CERS6: variants seen among roughly 807,000 people sequenced by gnomAD.
CERS6 encodes LAG1 homolog, ceramide synthase 6.
A neutral mutation model predicts 56.8 loss-of-function variants in CERS6; 26 were observed. The ratio of observed to expected loss-of-function variants is 0.46; its 90% CI spans 0.34 to 0.63. The LOEUF (loss-of-function observed/expected upper bound fraction) is 0.63. CERS6 is among the 30% of genes least tolerant of loss of function. CERS6 has a pLI of 0.01. For synonymous variants in CERS6, 164 were observed against 173.3 expected (o/e 0.95, Z 0.42); for missense variants, 415 against 467.5 (o/e 0.89, Z 1.04).
intron 3 of CERS6, among the ~76,000 whole-genome samples, chr2:168,580,200 C>T (rs1253987450): frequency 6.6e-6 from 1 of 151,990 alleles, no homozygotes; most frequent in African/African-American, 2.4e-5. Context: ...TTTTTTCCAC[C>T]AGATCTTATT....
intron 3 of CERS6, among the ~76,000 whole-genome samples, chr2:168,616,051 T>C (rs1684309227): frequency 6.6e-6 from 1 of 152,206 alleles, no homozygotes; most frequent in African/African-American, 2.4e-5. Flanking sequence ...CTAGAAGGGA[T>C]TGGAGACCTA....
At chr2:168,500,521 G>A (rs774309638) in intron 1 of CERS6, among the ~76,000 whole-genome samples, 10 of 152,178 alleles carry the variant, frequency 6.6e-5, no homozygotes, top group Non-Finnish European at 1.5e-4. Context: ...GTTTCCTCTG[G>A]TGGCAACACT....
chr2:168,667,848 A>G (rs2105335447), intron 4 of CERS6, among the ~76,000 whole-genome samples: 1 of 152,372 alleles, frequency 6.6e-6, no homozygotes, highest in East Asian at 1.9e-4. Flanking sequence ...AGATATTTAA[A>G]GTAAAATGGA....
chr2:168,656,631 T>C (rs530156857), intron 4 of CERS6, among the ~76,000 whole-genome samples: 1 of 152,268 alleles, frequency 6.6e-6, no homozygotes, highest in South Asian at 2.1e-4. Context: ...CTGCAGATCT[T>C]CGCGGTGAGT....
chr2:168,652,610 G>GT (rs563356957), intron 4 of CERS6, among the ~76,000 whole-genome samples: 167 of 140,284 alleles, frequency 1.2e-3, no homozygotes, highest in Admixed American at 1.7e-3. Context: ...ATGAATTGTT[G>GT]TTTTTTTTTT....
intron 8 of CERS6, among the ~76,000 whole-genome samples, chr2:168,743,597 A>T (rs1173059866): frequency 6.6e-6 from 1 of 152,212 alleles, no homozygotes; most frequent in Non-Finnish European, 1.5e-5. Context: ...ACATGAAAAT[A>T]TTTTATATAA....
At position 168,463,645 on chromosome 2, in the gene CERS6, T is replaced by C. The variant is rs571668380; in HGVS notation, c.170+7027T>C. ...TCTGGAGGCTGAGCACAGTGGCTCA[T>C]GCCTGTAATCCCAGCACTTTGGGAG... On this transcript the variant is annotated intron_variant, in intron 1 of 9. Transcript: ENST00000305747. 3.9e-5 allele frequency among the ~76,000 whole-genome samples: 6 copies of C among 152,324 alleles called. No homozygotes were observed. In the East Asian group the frequency reaches 9.6e-4, roughly 24 times the overall value.
intron 1 of CERS6, among the ~76,000 whole-genome samples, chr2:168,535,077 G>A (rs1224131714): frequency 6.6e-6 from 1 of 152,226 alleles, no homozygotes; most frequent in African/African-American, 2.4e-5. Context: ...TCCAGCAGGG[G>A]AAAAGCATGG....
chr2:168,645,138 T>TAGAGAG (rs1685156870), intron 4 of CERS6, among the ~76,000 whole-genome samples: 1 of 30,030 alleles, frequency 3.3e-5, no homozygotes, highest in Non-Finnish European at 5.8e-5. Context: ...TATATATATA[T>TAGAGAG]ATATAGAGAG....
rs560041043 is a variant in CERS6 at position 168,590,742 on chromosome 2, A to G, written c.407+29420A>G. 2.8e-4 allele frequency among the ~76,000 whole-genome samples: 43 copies of G among 152,332 alleles called. 1 individual carries two copies. The highest frequency in any genetic ancestry group is 1.0e-3 in the African/African-American group (43 of 41,580). The stretch of plus-strand genomic sequence containing the variant: ...GGACATTGGATTAAGCATCCTATTA[A>G]TACATTGATTAACTTGTGTGATCTT... On this transcript the variant is annotated intron_variant, in intron 3 of 9. Transcript: ENST00000305747.
At position 168,641,607 on chromosome 2, in the gene CERS6, G is replaced by A. The variant is rs181085252; in HGVS notation, c.465+10565G>A. Reference sequence around the variant, plus strand: ...CACCATTGAACACCTATAATGTTAAGCCCTTTAAATCTCTATTGTATAGGT... The same window carrying A: ...CACCATTGAACACCTATAATGTTAAACCCTTTAAATCTCTATTGTATAGGT... On this transcript the variant is annotated intron_variant, in intron 4 of 9. Transcript: ENST00000305747. Among the ~76,000 whole-genome samples, 5 of 152,106 alleles carry A rather than the reference G, an allele frequency of 3.3e-5. No homozygotes were observed. The East Asian group carries it at 7.7e-4, about 23-fold the overall frequency.
intron 2 of CERS6, among the ~76,000 whole-genome samples, chr2:168,556,260 G>A (rs1695677448): frequency 6.6e-6 from 1 of 151,992 alleles, no homozygotes. Flanking sequence ...TATTGATAAA[G>A]AAATCCTAAA....
intron 3 of CERS6, among the ~76,000 whole-genome samples, chr2:168,612,696 G>A (rs1684218970): frequency 6.6e-6 from 1 of 152,216 alleles, no homozygotes; most frequent in Non-Finnish European, 1.5e-5. Context: ...AAGCACTGGG[G>A]GATTAGGAGT....
intron 8 of CERS6, among the ~76,000 whole-genome samples, chr2:168,761,080 A>G (rs1356144033): frequency 6.6e-6 from 1 of 152,136 alleles, no homozygotes; most frequent in African/African-American, 2.4e-5. Context: ...ATTAGAGTCC[A>G]GGTGTCATAT....
At chr2:168,492,489 A>C (rs1680551838) in intron 1 of CERS6, among the ~76,000 whole-genome samples, 1 of 151,988 alleles carries the variant, frequency 6.6e-6, no homozygotes, top group Admixed American at 6.5e-5. Flanking sequence ...AATTTGTGTA[A>C]GTTTTTTGTA....
At chr2:168,746,508 G>A (rs1464777001) in intron 8 of CERS6, among the ~76,000 whole-genome samples, 6 of 151,694 alleles carry the variant, frequency 4.0e-5, no homozygotes, top group Admixed American at 2.0e-4. Context: ...TTGGGTGGAG[G>A]GACATGATGA....
intron 4 of CERS6, among the ~76,000 whole-genome samples, chr2:168,678,201 A>G (rs529720175): frequency 6.6e-6 from 1 of 152,330 alleles, no homozygotes; most frequent in East Asian, 1.9e-4. Flanking sequence ...ACGTCTTACT[A>G]TTGTTACGAA....
intron 3 of CERS6, among the ~76,000 whole-genome samples, chr2:168,630,301 TAC>T (rs3066962): frequency 0.065 from 9,071 of 140,050 alleles, 482 homozygotes; most frequent in East Asian, 0.16. Flanking sequence ...GTAATAAGTA[TAC>T]ACACACACAC....
At chr2:168,696,480 T>G (rs747514760) in intron 6 of CERS6, among the ~76,000 whole-genome samples, 12 of 152,236 alleles carry the variant, frequency 7.9e-5, no homozygotes, top group Non-Finnish European at 1.5e-4. Context: ...TTCTAAAACC[T>G]TCAAGACAAA....
Sources: gnomAD v4.1 joint callset for allele counts (sites outside exome capture counted in the v4.1 genomes callset) on GRCh38, gnomAD v4.1.1 for gene constraint, MANE v1.5 for transcripts, NCBI Gene and HGNC (gene_info 2026-07-23, HGNC 2026-07-21) for gene names.